The following GALNT13 variants were observed in gnomAD, a reference collection of about 807,000 sequenced individuals.
GALNT13 encodes polypeptide N-acetylgalactosaminyltransferase 13.
GALNT13 carries 28 observed loss-of-function variants against 64.2 expected under a neutral mutation model. That is an observed-to-expected ratio of 0.44 (90% CI 0.32 to 0.60). The LOEUF (loss-of-function observed/expected upper bound fraction) is 0.60, where lower values mean the gene tolerates loss of function less well. GALNT13 is among the 20% of genes least tolerant of loss of function. The pLI, the probability that GALNT13 is intolerant of heterozygous loss-of-function variation, is 0.05. For missense variants in GALNT13, 577 were observed against 669.8 expected, an observed-to-expected ratio of 0.86 and a Z score of 1.53; for synonymous variants, 214 against 224.6, an observed-to-expected ratio of 0.95 and a Z score of 0.42.
intron 3 of GALNT13, among the ~76,000 whole-genome samples, chr2:154,130,762 A>G (rs1682564434): frequency 2.0e-5 from 3 of 152,206 alleles, no homozygotes; most frequent in African/African-American, 4.8e-5. Context: ...CTTTATGACA[A>G]AAGTGAGTAT....
chr2:153,491,337 A>T, the GALNT13 span, among the ~76,000 whole-genome samples: 4 of 152,054 alleles, frequency 2.6e-5, no homozygotes, highest in African/African-American at 9.7e-5. Context: ...ATAAAAGAAG[A>T]TTTGAGCTAA....
At chr2:153,892,818 C>T (rs1035548500) in intron 1 of GALNT13, among the ~76,000 whole-genome samples, 5 of 151,854 alleles carry the variant, frequency 3.3e-5, no homozygotes, top group East Asian at 3.9e-4. Context: ...AAATATGATT[C>T]GACATGTGAA....
chr2:154,379,277 G>A (rs1698151199), intron 9 of GALNT13, among the ~76,000 whole-genome samples: 1 of 151,910 alleles, frequency 6.6e-6, no homozygotes, highest in South Asian at 2.1e-4. Flanking sequence ...AACTCACCTT[G>A]TAAAATGCTA....
At chr2:153,248,116 C>A in the GALNT13 span, among the ~76,000 whole-genome samples, 1 of 152,130 alleles carries the variant, frequency 6.6e-6, no homozygotes, top group Non-Finnish European at 1.5e-5. Flanking sequence ...GATTCACAGC[C>A]GAATTCTACC....
the GALNT13 span, among the ~76,000 whole-genome samples, chr2:153,332,992 G>C: frequency 6.6e-6 from 1 of 152,156 alleles, no homozygotes; most frequent in Non-Finnish European, 1.5e-5. Context: ...GCTTGTAATA[G>C]GGAAGAGCAC....
the GALNT13 span, among the ~76,000 whole-genome samples, chr2:153,363,083 C>G: frequency 0.074 from 11,300 of 152,150 alleles, 553 homozygotes; most frequent in South Asian, 0.19. Context: ...CAGAAACTCA[C>G]TTAAAACCAC....
At chr2:153,579,937 C>T in the GALNT13 span, among the ~76,000 whole-genome samples, 4 of 152,096 alleles carry the variant, frequency 2.6e-5, no homozygotes, top group African/African-American at 9.7e-5. Context: ...TCCCAGGTGT[C>T]AAAAAGGTTG....
At chr2:154,200,808 A>G (rs1285052549) in intron 4 of GALNT13, among the ~76,000 whole-genome samples, 3 of 152,282 alleles carry the variant, frequency 2.0e-5, no homozygotes, top group South Asian at 2.1e-4. Context: ...TGGAGAGGAC[A>G]CATTCTGACT....
At chr2:153,649,478 G>A in the GALNT13 span, among the ~76,000 whole-genome samples, 3,454 of 145,090 alleles carry the variant, frequency 0.024, 114 homozygotes, top group African/African-American at 0.083. Context: ...GTTCTGCTCT[G>A]ATTTTAGTTA....
chr2:153,750,073 C>T, the GALNT13 span, among the ~76,000 whole-genome samples: 1 of 151,876 alleles, frequency 6.6e-6, no homozygotes, highest in Non-Finnish European at 1.5e-5. Context: ...CTTTAATCAT[C>T]AATGAAAGGA....
At chr2:153,216,683 A>G in the GALNT13 span, among the ~76,000 whole-genome samples, 1 of 152,148 alleles carries the variant, frequency 6.6e-6, no homozygotes, top group South Asian at 2.1e-4. Flanking sequence ...AGAGTTCTTT[A>G]CATATTCTAG....
chr2:153,567,552 T>C, the GALNT13 span, among the ~76,000 whole-genome samples: 2 of 152,120 alleles, frequency 1.3e-5, no homozygotes, highest in African/African-American at 4.8e-5. Flanking sequence ...AGAAATAGGC[T>C]AACAGCACCA....
chr2:153,861,429 CT>C, the GALNT13 span, among the ~76,000 whole-genome samples: 1 of 151,996 alleles, frequency 6.6e-6, no homozygotes, highest in African/African-American at 2.4e-5. Context: ...AAAATGACAA[CT>C]TTGTGTAGAC....
At chr2:153,396,419 T>C in the GALNT13 span, among the ~76,000 whole-genome samples, 12 of 152,106 alleles carry the variant, frequency 7.9e-5, no homozygotes, top group South Asian at 2.5e-3. Context: ...AAATTCTTTG[T>C]GGGAAAGTGC....
the GALNT13 span, among the ~76,000 whole-genome samples, chr2:153,841,637 A>C: frequency 6.6e-6 from 1 of 152,142 alleles, no homozygotes; most frequent in Non-Finnish European, 1.5e-5. Flanking sequence ...GTACTCCCTG[A>C]AATACACAGC....
At chr2:153,746,684 T>G in the GALNT13 span, among the ~76,000 whole-genome samples, 1 of 152,114 alleles carries the variant, frequency 6.6e-6, no homozygotes, top group Non-Finnish European at 1.5e-5. Context: ...TATGTTAAAT[T>G]TTAGTGGAAG....
chr2:153,106,949 G>T, the GALNT13 span, among the ~76,000 whole-genome samples: 1 of 152,074 alleles, frequency 6.6e-6, no homozygotes, highest in African/African-American at 2.4e-5. Context: ...GGAGTAAATT[G>T]CCTGAGCTGC....
intron 8 of GALNT13, among the ~76,000 whole-genome samples, chr2:154,268,742 A>G (rs536536910): frequency 6.6e-6 from 1 of 152,116 alleles, no homozygotes; most frequent in Non-Finnish European, 1.5e-5. Flanking sequence ...TAGATTCTCA[A>G]TATATCATAG....
At chr2:154,036,932 T>C (rs181341117) in intron 3 of GALNT13, among the ~76,000 whole-genome samples, 27 of 152,260 alleles carry the variant, frequency 1.8e-4, no homozygotes, top group African/African-American at 6.5e-4. Flanking sequence ...CAAGTGATCC[T>C]AATATGCAGT....
Sources: allele counts gnomAD v4.1 joint callset (sites outside exome capture counted in the v4.1 genomes callset), GRCh38; gene constraint gnomAD v4.1.1; transcripts MANE v1.5; gene names NCBI Gene and HGNC (gene_info 2026-07-23, HGNC 2026-07-21).